ZNF121: variants seen among roughly 807,000 people sequenced by gnomAD.
ZNF121 encodes zinc finger protein 121 (clone ZHC32).
In ZNF121, 1 loss-of-function variant was observed where a neutral mutation model predicts 2.4. The observed-to-expected ratio is 0.41, with a 90% CI of 0.15 to 1.94. The LOEUF is 1.94. ZNF121 is among the 30% of genes most tolerant of loss of function. The pLI is 0.30. For synonymous variants in ZNF121, 173 were observed against 158.6 expected (o/e 1.09, Z -0.68); for missense variants, 369 against 466.3 (o/e 0.79, Z 1.92).
At chr19:9,581,017 A>C (rs1203052258) in intron 1 of ZNF121, among the ~76,000 whole-genome samples, 1 of 152,216 alleles carries the variant, frequency 6.6e-6, no homozygotes, top group Non-Finnish European at 1.5e-5. Context: ...AAAGGTTGTC[A>C]GCTTCTCCTT....
At chr19:9,574,064 T>C (rs2074192952) in intron 1 of ZNF121, among the ~76,000 whole-genome samples, 1 of 151,494 alleles carries the variant, frequency 6.6e-6, no homozygotes, top group Non-Finnish European at 1.5e-5. Flanking sequence ...GGCTTCACCA[T>C]GTTTGAAATG....
At chr19:9,583,962 G>C (rs1220479085) in intron 1 of ZNF121, among the ~76,000 whole-genome samples, 1 of 152,114 alleles carries the variant, frequency 6.6e-6, no homozygotes, top group Non-Finnish European at 1.5e-5. Flanking sequence ...CCATCAGAAA[G>C]TAATGTGTCA....
At chr19:9,570,039 G>C (rs969143905) in intron 1 of ZNF121, among the ~76,000 whole-genome samples, 17 of 151,320 alleles carry the variant, frequency 1.1e-4, no homozygotes, top group South Asian at 6.3e-4. Flanking sequence ...GCCCACCCTA[G>C]TTCAAGCAAT....
chr19:9,566,001 T>G lies in ZNF121; in HGVS notation c.1112A>C (p.Asn371Thr). Reference sequence around the variant, plus strand: ...TCTATTGTAGGCTTTCCCACATTCGTTACATATATAGGGTTTCTCTCCAGT... The same window carrying G: ...TCTATTGTAGGCTTTCCCACATTCGGTACATATATAGGGTTTCTCTCCAGT... ...IHTGEKPYICNECGKAYNRFY... is the reference protein window; with the variant it reads ...IHTGEKPYICTECGKAYNRFY... The change falls in exon 4 of 4, where the codon AAC (asparagine) becomes ACC (threonine). Residue 371 changes from asparagine to threonine, a missense_variant. By Grantham distance (65) the Asn-to-Thr change is moderately conservative. Transcript: ENST00000320451. The G allele has an allele frequency of 6.2e-7, 1 of 1,604,218 alleles. No homozygotes were observed. The highest frequency in any genetic ancestry group is 2.2e-5 in the East Asian group (1 of 44,788).
At chr19:9,581,788 G>C (rs1197560738) in intron 1 of ZNF121, among the ~76,000 whole-genome samples, 1 of 152,104 alleles carries the variant, frequency 6.6e-6, no homozygotes, top group Admixed American at 6.5e-5. Context: ...TCAATGCGGA[G>C]AATTTTAGTT....
chr19:9,571,204 C>A (rs1426115105), intron 1 of ZNF121, among the ~76,000 whole-genome samples: 1 of 152,178 alleles, frequency 6.6e-6, no homozygotes, highest in African/African-American at 2.4e-5. Context: ...AAAATGTAAA[C>A]AAATGAACAC....
At position 9,584,469 on chromosome 19, in the gene ZNF121, G is replaced by C. The variant is rs1193232448; in HGVS notation, c.-168C>G. ...AAGCAGGCGGAACTCACCACAGCCA[G>C]GGTGGACTCCACCACGATAAAGGCG... On this transcript the variant is annotated 5_prime_UTR_variant, in exon 1 of 4. Transcript: ENST00000320451. 1 of 152,322 alleles carries C rather than the reference G, an allele frequency of 6.6e-6. No homozygotes were observed. The highest frequency in any genetic ancestry group is 2.1e-4 in the South Asian group (1 of 4,838). The allele number at this position is 152,322 out of a possible 1,614,324, so 9.4% of individuals were successfully genotyped here.
chr19:9,580,261 C>T (rs1157418516), intron 1 of ZNF121, among the ~76,000 whole-genome samples: 2 of 151,310 alleles, frequency 1.3e-5, no homozygotes, highest in Admixed American at 1.3e-4. Flanking sequence ...CACTGCACTC[C>T]AGCCTGGGTG....
chr19:9,569,945 TTTTTTC>T (rs145414154), intron 1 of ZNF121, among the ~76,000 whole-genome samples: 5,069 of 151,394 alleles, frequency 0.033, 296 homozygotes, highest in African/African-American at 0.12. Context: ...TCTCTCTCTT[TTTTTTC>T]TTTTTGAGAG....
At position 9,566,483 on chromosome 19, in the gene ZNF121, A is replaced by T. The variant is rs1298532881; in HGVS notation, c.630T>A (p.Ala210=). 6.2e-7 allele frequency: 1 copy of T among 1,613,920 alleles called. No homozygotes were observed. The highest frequency in any genetic ancestry group is 1.3e-5 in the African/African-American group (1 of 74,934). Residue 210 remains alanine (A), a synonymous_variant, in exon 4 of 4, where the codon GCT becomes GCA. Transcript: ENST00000320451. ...CATGTTTAGTAAGGCCTGAGCGCCCAGCGAAGGCTCTTCCACATTCCTTAC... is the reference window on the plus strand; with the variant it reads ...CATGTTTAGTAAGGCCTGAGCGCCCTGCGAAGGCTCTTCCACATTCCTTAC... ...YQCKECGRAF[A]GRSGLTKHVR... is the part of the protein sequence containing the mutation.
At position 9,565,980 on chromosome 19, in the gene ZNF121, T is replaced by C. The variant is rs771811797; in HGVS notation, c.1133A>G (p.Asn378Ser). The change falls in exon 4 of 4, where the codon AAT becomes AGT. Residue 378 changes from asparagine to serine, a missense_variant. By Grantham distance (46) the Asn-to-Ser change is conservative. Transcript: ENST00000320451. Reference sequence around the variant, plus strand: ...ATGTTTAGTAAGTAAATAAAATCTATTGTAGGCTTTCCCACATTCGTTACA... The same window carrying C: ...ATGTTTAGTAAGTAAATAAAATCTACTGTAGGCTTTCCCACATTCGTTACA... ...YICNECGKAYNRFYLLTKHLK... is the reference protein window; with the variant it reads ...YICNECGKAYSRFYLLTKHLK... 37 of 1,596,192 alleles carry C rather than the reference T, an allele frequency of 2.3e-5. No individual in the cohort carries two copies. The highest frequency in any genetic ancestry group is 2.8e-5 in the Non-Finnish European group (33 of 1,172,004).
rs2074116591 is a variant in ZNF121, at chr19:9,564,303, C to T, written c.*1637G>A. 6.6e-6 allele frequency: 1 copy of T among 152,130 alleles called. No homozygotes were observed. The highest frequency in any genetic ancestry group is 1.9e-4 in the East Asian group (1 of 5,186). The allele number at this position is 152,130 out of a possible 1,614,324, so 9.4% of individuals were successfully genotyped here. ...ATCACTTGAGGCCAGGAGTTCAAGG[C>T]TACAGTGTGCTCTCATCGTGCTGGT... On this transcript the variant is annotated 3_prime_UTR_variant, in exon 4 of 4. Transcript: ENST00000320451.
intron 1 of ZNF121, among the ~76,000 whole-genome samples, chr19:9,575,176 T>C (rs935206354): frequency 1.7e-4 from 26 of 152,068 alleles, no homozygotes; most frequent in Non-Finnish European, 3.2e-4. Flanking sequence ...TCACAACACT[T>C]TGGGAGGCTG....
intron 3 of ZNF121, 52 bp downstream of exon 3, chr19:9,568,043 A>G: frequency 1.3e-6 from 2 of 1,515,732 alleles, no homozygotes; most frequent in Non-Finnish European, 1.8e-6. Flanking sequence ...ATTTTTTATA[A>G]TTGAATCCCA....
intron 1 of ZNF121, among the ~76,000 whole-genome samples, chr19:9,572,691 T>A (rs1017195821): frequency 2.0e-5 from 3 of 152,170 alleles, no homozygotes; most frequent in African/African-American, 4.8e-5. Flanking sequence ...TTCTTGATAG[T>A]TTGCTATAGC....
At chr19:9,567,195 T>C (rs751865459) in intron 3 of ZNF121, 86 bp from the exon 4 acceptor site, 10 of 1,273,652 alleles carry the variant, frequency 7.9e-6, no homozygotes, top group South Asian at 6.1e-5. Flanking sequence ...CAGTTTATTA[T>C]GATTATAATT....
In ZNF121 at chr19:9,564,594, A is replaced by G. The variant is rs1233898592; in HGVS notation, c.*1346T>C. On this transcript the variant is annotated 3_prime_UTR_variant, in exon 4 of 4. Transcript: ENST00000320451. ...TCGTGAAAAAACTTGAACAGATGAGAGGCTGCTTTGTATAGATAAGCAAAG... is the reference window on the plus strand; with the variant it reads ...TCGTGAAAAAACTTGAACAGATGAGGGGCTGCTTTGTATAGATAAGCAAAG... 2 of 152,176 alleles carry G rather than the reference A, an allele frequency of 1.3e-5. No individual in the cohort carries two copies. The highest frequency in any genetic ancestry group is 2.9e-5 in the Non-Finnish European group (2 of 68,036). The allele number at this position is 152,176 out of a possible 1,614,324, so 9.4% of individuals were successfully genotyped here. A position where few individuals can be genotyped will look rare whatever the true frequency, so the allele number is the denominator to read the frequency against.
At chr19:9,568,858 G>A (rs1370936662) in intron 2 of ZNF121, 144 bp downstream of exon 2, 1 of 152,138 alleles carries the variant, frequency 6.6e-6, no homozygotes, top group Non-Finnish European at 1.5e-5. Flanking sequence ...AAAAAGAGAG[G>A]AATATGGAAA....
intron 1 of ZNF121, among the ~76,000 whole-genome samples, chr19:9,571,459 A>C (rs1036700323): frequency 2.0e-5 from 3 of 152,216 alleles, no homozygotes; most frequent in Admixed American, 1.3e-4. Flanking sequence ...ATTTTTCAAA[A>C]TGTAATGCCT....
Sources: gnomAD v4.1 joint callset for allele counts (sites outside exome capture counted in the v4.1 genomes callset) on GRCh38, gnomAD v4.1.1 for gene constraint, MANE v1.5 for transcripts, NCBI Gene and HGNC (gene_info 2026-07-23, HGNC 2026-07-21) for gene names.